The following SLC7A10 variants were observed in gnomAD, a reference collection of about 807,000 sequenced individuals.
SLC7A10 encodes asc-type amino acid transporter 1.
Under a neutral mutation model 52.7 loss-of-function variants are expected in SLC7A10, and 30 were observed. That is an observed-to-expected ratio of 0.57 (90% confidence interval 0.43 to 0.77). The LOEUF is 0.77. Ranked by LOEUF, SLC7A10 falls within the 30% of genes least tolerant of loss-of-function variation. The pLI, the probability that SLC7A10 is intolerant of heterozygous loss-of-function variation, is 0.00. For missense variants in SLC7A10, 581 were observed against 698.5 expected, an observed-to-expected ratio of 0.83 and a Z score of 1.90; for synonymous variants, 318 against 314.9, an observed-to-expected ratio of 1.01 and a Z score of -0.10.
chr19:33,215,615 ACC>A (rs1299176662), intron 2 of SLC7A10, among the ~76,000 whole-genome samples, 152 bp downstream of exon 2: 12 of 91,054 alleles, frequency 1.3e-4, no homozygotes, highest in African/African-American at 5.2e-4. Flanking sequence ...CAGCCCCCAC[ACC>A]TTCTCTCCAT....
In SLC7A10 at chr19:33,208,867, A is replaced by C. The variant is rs1179881969; in HGVS notation, c.*24T>G. 1.9e-6 allele frequency: 3 copies of C among 1,589,850 alleles called. No individual in the cohort carries two copies. The highest frequency in any genetic ancestry group is 2.6e-6 in the Non-Finnish European group (3 of 1,166,200). ...AATAAACAACATGTAAACAGAAACAACTGCTTCAGTCTCTACAAAAATCTC... is the reference window on the plus strand; with the variant it reads ...AATAAACAACATGTAAACAGAAACACCTGCTTCAGTCTCTACAAAAATCTC... On this transcript the variant is annotated 3_prime_UTR_variant, in exon 11 of 11. Coordinates refer to ENST00000253188, the MANE Select transcript of SLC7A10 (RefSeq NM_019849.3). This position sits in a 1 kb window ranked among gnomAD's most constrained non-coding sequence, Gnocchi z 4.7.
At chr19:33,209,708 G>A (rs534787663) in intron 9 of SLC7A10, among the ~76,000 whole-genome samples, 50 of 113,920 alleles carry the variant, frequency 4.4e-4, no homozygotes, top group African/African-American at 1.5e-3. Flanking sequence ...AAGTCTCAGC[G>A]GCACCGAGCT....
intron 2 of SLC7A10, among the ~76,000 whole-genome samples, chr19:33,214,712 A>T (rs1357175284): frequency 6.6e-6 from 1 of 152,198 alleles, no homozygotes; most frequent in African/African-American, 2.4e-5. Context: ...GCCTTAGGGC[A>T]AGCATTGCTT....
chr19:33,209,045 G>C (rs751432359), intron 10 of SLC7A10, 24 bp from the exon 11 acceptor site: 1 of 1,612,910 alleles, frequency 6.2e-7, no homozygotes, highest in Non-Finnish European at 8.5e-7. Flanking sequence ...GATGGACCTT[G>C]GGGCCTGACC....
Position 33,212,995 on chromosome 19 carries a change from G to A in SLC7A10, c.364C>T (p.Leu122=), listed in dbSNP as rs1445218417. The A allele has an allele frequency of 5.0e-6, 8 of 1,606,618 alleles. No individual in the cohort carries two copies. Among genetic ancestry groups the A allele is most frequent in the Non-Finnish European group, 6.8e-6 (8 of 1,176,548 alleles). Reference sequence around the variant, plus strand: ...ATGATGAGGACGGCGCTCCAGAGCAGCAGAAAGCTGGAAGGAGCAGGGGCG... The same window carrying A: ...ATGATGAGGACGGCGCTCCAGAGCAACAGAAAGCTGGAAGGAGCAGGGGCG... ...EIFGGLAGFL[L]LWSAVLIMYP... is the part of the protein sequence containing the mutation. Residue 122 remains leucine (L), a synonymous_variant, in exon 3 of 11, where the codon CTG becomes TTG. Transcript: ENST00000253188.
chr19:33,220,379 C>T (rs1974787816), intron 1 of SLC7A10: 1 of 152,176 alleles, frequency 6.6e-6, no homozygotes, highest in Admixed American at 6.5e-5. Context: ...TCCACGTTGC[C>T]AAACGCAACA....
rs546483740 is a variant in SLC7A10, at chr19:33,213,065, C to T, written c.357-63G>A. On this transcript the variant is annotated intron_variant, in intron 2 of 10. Transcript: ENST00000253188. ...AGAGCCCTTCCCGGCCAACCTGGCC[C>T]TGATGTGTGCAGCAGGGCTGCCCTG... is the stretch of plus-strand genomic sequence containing the variant. The T allele has an allele frequency of 2.0e-3, 3,025 of 1,549,866 alleles. 7 individuals are homozygous for T. The highest frequency in any genetic ancestry group is 2.5e-3 in the Non-Finnish European group (2,855 of 1,147,346).
intron 1 of SLC7A10, among the ~76,000 whole-genome samples, chr19:33,221,676 G>A (rs1298402843): frequency 6.6e-6 from 1 of 152,226 alleles, no homozygotes; most frequent in Non-Finnish European, 1.5e-5. Context: ...GGAGGGTCCT[G>A]GCTGAGGCTG....
chr19:33,216,173 C>T (rs1974678152), intron 1 of SLC7A10, among the ~76,000 whole-genome samples, 200 bp from the exon 2 acceptor site: 1 of 152,166 alleles, frequency 6.6e-6, no homozygotes, highest in Non-Finnish European at 1.5e-5. Context: ...CATCATCTGC[C>T]CCTTCCTCAG....
At position 33,209,463 on chromosome 19, in the gene SLC7A10, G is replaced by C. The variant is rs781581589; in HGVS notation, c.1286C>G (p.Ala429Gly). The change falls in exon 10 of 11, where the codon GCG (alanine) becomes GGG (glycine). Residue 429 changes from alanine to glycine, a missense_variant. Transcript: ENST00000253188. ...PIKVNLLIPV[A>G]YLVFWAFLLV... ...CAGGAAGGCCCAGAAGACCAAGTACGCCACGGGGATGAGAAGGTTCACCTG... is the reference window on the plus strand; with the variant it reads ...CAGGAAGGCCCAGAAGACCAAGTACCCCACGGGGATGAGAAGGTTCACCTG... The C allele has an allele frequency of 1.2e-6, 2 of 1,613,908 alleles. No individual in the cohort carries two copies. The highest frequency in any genetic ancestry group is 1.7e-6 in the Non-Finnish European group (2 of 1,179,978).
intron 1 of SLC7A10, among the ~76,000 whole-genome samples, chr19:33,223,135 C>G (rs541952147): frequency 5.9e-5 from 9 of 152,124 alleles, no homozygotes. Flanking sequence ...TGGTGAAACT[C>G]TGTCTCTACT....
chr19:33,219,348 G>A (rs1385425854), intron 1 of SLC7A10, among the ~76,000 whole-genome samples: 3 of 152,236 alleles, frequency 2.0e-5, no homozygotes, highest in Non-Finnish European at 2.9e-5. Context: ...TGGCCGCTGC[G>A]GTGCATGCTG....
chr19:33,215,139 G>A (rs1974641158), intron 2 of SLC7A10, among the ~76,000 whole-genome samples: 2 of 152,066 alleles, frequency 1.3e-5, no homozygotes, highest in South Asian at 4.2e-4. Context: ...GTGGTGGCGG[G>A]CGCCTATAAT....
chr19:33,210,685 T>C lies in SLC7A10; in HGVS notation c.1114-69A>G. On this transcript the variant is annotated intron_variant, in intron 8 of 10. Transcript: ENST00000253188. This position sits in a 1 kb window ranked among gnomAD's most constrained non-coding sequence, Gnocchi z 5.6. ...CCTGACGCCCCTGCAGGATGAGCCC[T>C]GGCCCCACCCCCAACCCCCACCCTG... 6.2e-7 allele frequency: 1 copy of C among 1,608,640 alleles called. No individual in the cohort carries two copies. Among genetic ancestry groups the C allele is most frequent in the Middle Eastern group, 1.7e-4 (1 of 5,984 alleles).
At chr19:33,215,634 CCCA>C in intron 2 of SLC7A10, 132 bp downstream of exon 2, 5 of 897,022 alleles carry the variant, frequency 5.6e-6, no homozygotes, top group South Asian at 5.2e-5. Flanking sequence ...CCATCCACCC[CCCA>C]CACCTTCTCT....
chr19:33,212,250 G>C, intron 5 of SLC7A10, 42 bp downstream of exon 5: 1 of 1,568,578 alleles, frequency 6.4e-7, no homozygotes, highest in Non-Finnish European at 8.6e-7. Context: ...CCCACCAGAG[G>C]GCCTGGCTGC....
intron 2 of SLC7A10, among the ~76,000 whole-genome samples, chr19:33,213,214 G>A (rs1403350996): frequency 1.3e-5 from 2 of 152,196 alleles, no homozygotes; most frequent in African/African-American, 2.4e-5. Context: ...GGTGTTACCC[G>A]TACTTAAACA....
chr19:33,215,583 A>ACCCCCACACCTTCTCTCCCTCCAG (rs1974654983), intron 2 of SLC7A10, among the ~76,000 whole-genome samples, 186 bp downstream of exon 2: 1 of 106,356 alleles, frequency 9.4e-6, no homozygotes, highest in Non-Finnish European at 1.9e-5. Context: ...GCTGTCCAGC[A>ACCCCCACACCTTCTCTCCCTCCAG]CCCCCACACC....
intron 1 of SLC7A10, among the ~76,000 whole-genome samples, chr19:33,222,205 C>T (rs983613441): frequency 2.0e-5 from 3 of 151,802 alleles, no homozygotes; most frequent in African/African-American, 2.4e-5. Context: ...TTGAGATCAG[C>T]CTGGGCAACA....
Sources: gnomAD v4.1 joint callset for allele counts (sites outside exome capture counted in the v4.1 genomes callset) on GRCh38, gnomAD v4.1.1 for gene constraint, Gnocchi (gnomAD v3.1) non-coding constraint, MANE v1.5 for transcripts, NCBI Gene and HGNC (gene_info 2026-07-23, HGNC 2026-07-21) for gene names.